Variants in MTMR3 observed in about 807,000 individuals in gnomAD.
MTMR3 encodes myotubularin related protein 3.
Under a neutral mutation model 132.4 loss-of-function variants are expected in MTMR3, and 32 were observed. That is an observed-to-expected ratio of 0.24 (90% CI 0.18 to 0.32). The LOEUF (loss-of-function observed/expected upper bound fraction) is 0.32, where lower values mean the gene tolerates loss of function less well. Among genes scored for constraint, MTMR3 ranks in the 10% least tolerant of loss-of-function variants. The pLI is 1.00. For synonymous variants in MTMR3, 556 were observed against 550.3 expected, an observed-to-expected ratio of 1.01 and a Z score of -0.14; for missense variants, 1,216 against 1,489.6, an observed-to-expected ratio of 0.82 and a Z score of 3.02.
intron 2 of MTMR3, 21 bp from the exon 3 acceptor site, chr22:29,970,955 C>A: frequency 1.3e-6 from 1 of 770,484 alleles, no homozygotes; most frequent in Non-Finnish European, 1.9e-6. Context: ...TCTTCTTCCC[C>A]CTCTTCCCCC....
intron 1 of MTMR3, among the ~76,000 whole-genome samples, chr22:29,903,540 A>C (rs1005646073): frequency 2.6e-5 from 4 of 151,816 alleles, no homozygotes; most frequent in African/African-American, 9.6e-5. Context: ...GGAACATGCC[A>C]ACATGCCTGG....
intron 1 of MTMR3, among the ~76,000 whole-genome samples, chr22:29,916,686 A>G (rs2065314864): frequency 1.3e-5 from 2 of 152,194 alleles, no homozygotes; most frequent in South Asian, 4.1e-4. Flanking sequence ...AACTTTTTAT[A>G]AATACAAGGT....
intron 7 of MTMR3, chr22:29,994,936 A>G (rs2067032415): frequency 6.6e-6 from 1 of 152,200 alleles, no homozygotes; most frequent in African/African-American, 2.4e-5. Context: ...CTCAAACTCT[A>G]AAAAAGTGGA....
At position 30,030,001 on chromosome 22, in the gene MTMR3, A is replaced by T. The variant is rs935449751; in HGVS notation, c.*4200A>T. ...CCTGCTGTCCCCAGCACACAACTGC[A>T]CTGAAGCCTTGTTCCTCTCGGCTGG... On this transcript the variant is annotated 3_prime_UTR_variant, in exon 20 of 20. Transcript: ENST00000401950. The T allele has an allele frequency of 6.6e-6, 1 of 152,262 alleles. No homozygotes were observed. Among genetic ancestry groups the T allele is most frequent in the Non-Finnish European group, 1.5e-5 (1 of 68,022 alleles). 9.4% of individuals were successfully genotyped at this position (152,262 alleles called of 1,614,324 possible).
Position 29,966,983 on chromosome 22 carries a change from A to C in MTMR3, c.-84-3993A>C, listed in dbSNP as rs117019196. On this transcript the variant is annotated intron_variant, in intron 2 of 19. Coordinates refer to ENST00000401950, the MANE Select transcript of MTMR3 (RefSeq NM_021090.4). ...ATTCCAGTTTAATATGATGTTTCAG[A>C]ATCAAATTGTACATTTTCTTTTCTA... 1.8e-4 allele frequency among the ~76,000 whole-genome samples: 27 copies of C among 152,126 alleles called. No homozygotes were observed. In the East Asian group the frequency reaches 5.2e-3, roughly 29 times the overall value.
chr22:29,951,202 G>A (rs189052194), intron 1 of MTMR3, among the ~76,000 whole-genome samples: 1 of 152,080 alleles, frequency 6.6e-6, no homozygotes, highest in East Asian at 1.9e-4. Context: ...AATATAAGGA[G>A]CAAATCAGAA....
rs552145599 is a variant in MTMR3 at position 29,980,543 on chromosome 22, G to A, written c.210+1491G>A. 4.6e-5 allele frequency: 7 copies of A among 152,346 alleles called. No homozygotes were observed. In the East Asian group the frequency reaches 1.3e-3, roughly 29 times the overall value. The allele number at this position is 152,346 out of a possible 1,614,324, so 9.4% of individuals were successfully genotyped here. On this transcript the variant is annotated intron_variant, in intron 5 of 19. Coordinates refer to ENST00000401950, the MANE Select transcript of MTMR3 (RefSeq NM_021090.4). ...GAATTCCCCACCAGCTACTGTGGAA[G>A]TAATGATAGTAGTGTTTAGTAGAAC...
At position 29,966,537 on chromosome 22, in the gene MTMR3, T is replaced by C. The variant is rs373548630; in HGVS notation, c.-84-4439T>C. On this transcript the variant is annotated intron_variant, in intron 2 of 19. Transcript: ENST00000401950. ...TTGTATTTCATTAGCAGTTGTAAAA[T>C]AGTATTATCAAATTCTTTTCTTTGT... Among the ~76,000 whole-genome samples the C allele has an allele frequency of 5.3e-4, 81 of 152,202 alleles. 2 individuals carry two copies. Among genetic ancestry groups the C allele is most frequent in the African/African-American group, 1.6e-3 (68 of 41,456 alleles).
intron 1 of MTMR3, among the ~76,000 whole-genome samples, chr22:29,887,710 G>A (rs1030782116): frequency 6.6e-6 from 1 of 152,218 alleles, no homozygotes; most frequent in African/African-American, 2.4e-5. Context: ...TGGAGCAGTG[G>A]TAGAAGGTGG....
At chr22:29,982,971 G>GTGTGTGTT (rs1783651525) in intron 5 of MTMR3, 1 of 134,510 alleles carries the variant, frequency 7.4e-6, no homozygotes, top group Non-Finnish European at 1.7e-5. Flanking sequence ...GTGTGTGTGT[G>GTGTGTGTT]TGTGTATGTG....
chr22:29,979,740 A>G (rs1191553075), intron 5 of MTMR3: 1 of 152,464 alleles, frequency 6.6e-6, no homozygotes, highest in Admixed American at 6.5e-5. Context: ...CTTAATGTCA[A>G]AAGATGAGAT....
chr22:29,979,207 G>T (rs1234097357), intron 5 of MTMR3, 155 bp downstream of exon 5: 4 of 565,874 alleles, frequency 7.1e-6, no homozygotes, highest in Non-Finnish European at 9.4e-6. Flanking sequence ...AGGAACACTG[G>T]CTTGGCCAGG....
chr22:29,971,034 T>C lies in MTMR3; in HGVS notation c.-26T>C. On this transcript the variant is annotated 5_prime_UTR_variant, in exon 3 of 20. Transcript: ENST00000401950. ...GGACACTGAAGAAGGGACGGGGATT[T>C]CTCCTCCTAATCTGGGCCTCTTGTC... The C allele has an allele frequency of 6.3e-7, 1 of 1,591,694 alleles. No homozygotes were observed. Among genetic ancestry groups the C allele is most frequent in the Non-Finnish European group, 8.5e-7 (1 of 1,170,668 alleles).
In MTMR3 at chr22:29,910,709, T is replaced by C. The variant is rs7286206; in HGVS notation, c.-138+27350T>C. Among the ~76,000 whole-genome samples the C allele has an allele frequency of 4.4e-3, 669 of 151,944 alleles. 6 individuals carry two copies. Among genetic ancestry groups the C allele is most frequent in the African/African-American group, 0.015 (632 of 41,446 alleles). ...CCCATTAAATTGACTTTTATGCCTC[T>C]TTTCCTTTTTTTTTTTTTTAACCTG... On this transcript the variant is annotated intron_variant, in intron 1 of 19. Transcript: ENST00000401950.
chr22:29,996,360 G>A (rs1709811183), intron 7 of MTMR3: 1 of 152,168 alleles, frequency 6.6e-6, no homozygotes, highest in African/African-American at 2.4e-5. Flanking sequence ...TGCTCTGGAT[G>A]GTGGTTCTAA....
intron 1 of MTMR3, among the ~76,000 whole-genome samples, chr22:29,950,413 G>C (rs990145377): frequency 6.6e-6 from 1 of 151,622 alleles, no homozygotes; most frequent in Admixed American, 6.6e-5. Flanking sequence ...GCCCAGGCTG[G>C]AGTGCAGTGG....
chr22:29,947,508 A>AC lies in MTMR3; in HGVS notation c.-137-9528_-137-9527insC, dbSNP rs1345930314. ...TTTAGCCAGTATGCTAAATTAAAAA[A>AC]AAAAAACAAAAAACCCTGCCTCCCA... On this transcript the variant is annotated intron_variant, in intron 1 of 19. Coordinates refer to ENST00000401950, the MANE Select transcript of MTMR3 (RefSeq NM_021090.4). Among the ~76,000 whole-genome samples, 5 of 151,552 alleles carry AC rather than the reference A, an allele frequency of 3.3e-5. 1 individual carries two copies. In the South Asian group the frequency reaches 6.2e-4, roughly 19 times the overall value.
chr22:29,917,731 T>C (rs1166215368), intron 1 of MTMR3, among the ~76,000 whole-genome samples: 1 of 152,226 alleles, frequency 6.6e-6, no homozygotes, highest in East Asian at 1.9e-4. Flanking sequence ...TTTTCCACAT[T>C]CTATTGCCAT....
chr22:29,966,979 T>A (rs1432221221), intron 2 of MTMR3, among the ~76,000 whole-genome samples: 2 of 152,172 alleles, frequency 1.3e-5, no homozygotes, highest in African/African-American at 4.8e-5. Context: ...ATATGATGTT[T>A]CAGAATCAAA....
Sources: gnomAD v4.1 joint callset for allele counts (sites outside exome capture counted in the v4.1 genomes callset) on GRCh38, gnomAD v4.1.1 for gene constraint, MANE v1.5 for transcripts, NCBI Gene and HGNC (gene_info 2026-07-23, HGNC 2026-07-21) for gene names.